Variants in ARHGAP31 observed in about 807,000 individuals in gnomAD.
The protein encoded by ARHGAP31 is rho GTPase-activating protein 31.
A neutral mutation model predicts 113.9 loss-of-function variants in ARHGAP31; 34 were observed. That is an observed-to-expected ratio of 0.30 (90% confidence interval 0.23 to 0.40). The LOEUF (loss-of-function observed/expected upper bound fraction) is 0.40. Among genes scored for constraint, ARHGAP31 ranks in the 10% least tolerant of loss-of-function variants. ARHGAP31 has a pLI of 1.00. For synonymous variants in ARHGAP31, 650 were observed against 684.8 expected, an observed-to-expected ratio of 0.95 and a Z score of 0.79; for missense variants, 1,548 against 1,767.1, an observed-to-expected ratio of 0.88 and a Z score of 2.22.
At chr3:119,324,864 A>G in intron 1 of ARHGAP31, 1 of 449,288 alleles carries the variant, frequency 2.2e-6, no homozygotes, top group Non-Finnish European at 4.5e-6. Flanking sequence ...AATTTTGAAT[A>G]AACCAAGGTC....
Position 119,393,550 on chromosome 3 carries a change from G to A in ARHGAP31, c.965G>A (p.Ser322Asn), listed in dbSNP as rs770995051. ...GGATCAGACTCCAAATCAAAACTGAGTAGAAATGGGAGTGTATTTGTGAGA... is the reference window on the plus strand; with the variant it reads ...GGATCAGACTCCAAATCAAAACTGAATAGAAATGGGAGTGTATTTGTGAGA... Reference protein sequence around the residue: ...RSGSDSKSKLSRNGSVFVRGQ... With the variant: ...RSGSDSKSKLNRNGSVFVRGQ... Residue 322 changes from serine (S) to asparagine (N), a missense_variant, in exon 8 of 12, where the codon AGT (serine) becomes AAT (asparagine). Physicochemically the swap from Ser to Asn is conservative, Grantham distance 46. Transcript: ENST00000264245. 1 of 1,614,138 alleles carries A rather than the reference G, an allele frequency of 6.2e-7. No individual in the cohort carries two copies. The highest frequency in any genetic ancestry group is 8.5e-7 in the Non-Finnish European group (1 of 1,179,988).
intron 7 of ARHGAP31, among the ~76,000 whole-genome samples, chr3:119,392,657 C>G (rs943792413): frequency 4.6e-5 from 7 of 152,206 alleles, no homozygotes; most frequent in African/African-American, 1.7e-4. Context: ...CAGCCTAGTG[C>G]TCCTCTTTCC....
rs73187834 is a variant in ARHGAP31 at position 119,301,541 on chromosome 3, G to A, written c.100+6537G>A. Among the ~76,000 whole-genome samples the A allele has an allele frequency of 4.0e-3, 612 of 152,330 alleles. 1 individual carries two copies. The highest frequency in any genetic ancestry group is 6.8e-3 in the Middle Eastern group (2 of 294). On this transcript the variant is annotated intron_variant, in intron 1 of 11. Coordinates refer to ENST00000264245, the MANE Select transcript of ARHGAP31 (RefSeq NM_020754.4). ...GTTAGGCATCTGTGGGCTAGCCTGGGAACCTTTTCTGTAGGGTGGAAGCAG... is the reference window on the plus strand; with the variant it reads ...GTTAGGCATCTGTGGGCTAGCCTGGAAACCTTTTCTGTAGGGTGGAAGCAG...
chr3:119,357,481 AT>A (rs985543154), intron 1 of ARHGAP31, among the ~76,000 whole-genome samples: 2 of 152,168 alleles, frequency 1.3e-5, no homozygotes, highest in Non-Finnish European at 1.5e-5. Flanking sequence ...GTGTGGCCAG[AT>A]TGTGGAAAAC....
At chr3:119,367,856 C>CAAAAA (rs1398233400) in intron 2 of ARHGAP31, among the ~76,000 whole-genome samples, 3 of 111,348 alleles carry the variant, frequency 2.7e-5, no homozygotes, top group African/African-American at 3.6e-5. Flanking sequence ...GACTCCATCT[C>CAAAAA]AAAAAAAAGA....
At chr3:119,347,787 G>A (rs181245654) in intron 1 of ARHGAP31, among the ~76,000 whole-genome samples, 5 of 152,284 alleles carry the variant, frequency 3.3e-5, no homozygotes, top group Non-Finnish European at 7.3e-5. Context: ...TCTTGAATCA[G>A]ATCTGACCAC....
At position 119,419,742 on chromosome 3, in the gene ARHGAP31, T is replaced by C. The variant is rs978398192; in HGVS notation, c.*3478T>C. ...CTCCAAATAATCAAATTGAACACAA[T>C]TGCAAATCCAATAGAACATCCCAGT... On this transcript the variant is annotated 3_prime_UTR_variant, in exon 12 of 12. Transcript: ENST00000264245. 2.6e-5 allele frequency: 4 copies of C among 152,194 alleles called. No homozygotes were observed. Among genetic ancestry groups the C allele is most frequent in the African/African-American group, 7.2e-5 (3 of 41,448 alleles). 9.4% of individuals were successfully genotyped at this position (152,194 alleles called of 1,614,324 possible). A position where few individuals can be genotyped will look rare whatever the true frequency, so the allele number is the denominator to read the frequency against.
intron 10 of ARHGAP31, among the ~76,000 whole-genome samples, chr3:119,406,221 G>A (rs1360079208): frequency 1.3e-5 from 2 of 152,100 alleles, no homozygotes; most frequent in Non-Finnish European, 1.5e-5. Flanking sequence ...TGGTTAGCAC[G>A]GGCCCTTCCT....
In ARHGAP31 at chr3:119,414,294, A is replaced by G. The variant is rs754970229; in HGVS notation, c.2365A>G (p.Thr789Ala). The G allele has an allele frequency of 3.7e-6, 6 of 1,613,742 alleles. No homozygotes were observed. Among genetic ancestry groups the G allele is most frequent in the Middle Eastern group, 1.7e-4 (1 of 6,060 alleles). ...PPLPPAPPPP[T>A]PLEESTPVLL... ...ACTCCCACCTGCTCCTCCCCCTCCA[A>G]CTCCTCTGGAGGAGTCAACTCCAGT... is the stretch of plus-strand genomic sequence containing the variant. The change falls in exon 12 of 12, where the codon ACT (threonine) becomes GCT (alanine). Residue 789 changes from threonine to alanine, a missense_variant. Coordinates refer to ENST00000264245, the MANE Select transcript of ARHGAP31 (RefSeq NM_020754.4).
chr3:119,373,399 A>G (rs1304444589), intron 3 of ARHGAP31, among the ~76,000 whole-genome samples: 1 of 152,016 alleles, frequency 6.6e-6, no homozygotes, highest in Non-Finnish European at 1.5e-5. Flanking sequence ...TTTTAATGTT[A>G]TCATTTCACA....
rs1201366876 is a variant in ARHGAP31 at position 119,402,237 on chromosome 3, G to T, written c.1485G>T (p.Pro495=). 2 of 1,614,246 alleles carry T rather than the reference G, an allele frequency of 1.2e-6. No individual in the cohort carries two copies. The highest frequency in any genetic ancestry group is 1.7e-5 in the Admixed American group (1 of 60,032). ...NISEPFAVSV[P]LRVSAVISTN... ...CCGAGCCCTTTGCGGTATCTGTGCC[G>T]CTCCGCGTGTCCGCAGTCATCAGCA... The change falls in exon 10 of 12, where the codon CCG becomes CCT. Residue 495 remains proline (P), a synonymous_variant. Transcript: ENST00000264245.
chr3:119,304,418 C>T (rs1303503879), intron 1 of ARHGAP31, among the ~76,000 whole-genome samples: 1 of 152,080 alleles, frequency 6.6e-6, no homozygotes, highest in Non-Finnish European at 1.5e-5. Context: ...CGAGTTATGA[C>T]AGCTATGGGA....
chr3:119,373,004 G>C (rs2080315012), intron 3 of ARHGAP31, among the ~76,000 whole-genome samples: 1 of 152,130 alleles, frequency 6.6e-6, no homozygotes, highest in Non-Finnish European at 1.5e-5. Flanking sequence ...GCTATCTATT[G>C]CAAAATGAGG....
rs530130370 is a variant in ARHGAP31, at chr3:119,348,066, C to T, written c.101-17250C>T. ...GGGCTACACAGCAGGAGGTGACTGGCGGGCGAGCCAGCAAAGCTGAGCTCC... is the reference window on the plus strand; with the variant it reads ...GGGCTACACAGCAGGAGGTGACTGGTGGGCGAGCCAGCAAAGCTGAGCTCC... On this transcript the variant is annotated intron_variant, in intron 1 of 11. Transcript: ENST00000264245. Among the ~76,000 whole-genome samples the T allele has an allele frequency of 2.8e-4, 43 of 152,218 alleles. No homozygotes were observed. In the South Asian group the frequency reaches 6.4e-3, roughly 23 times the overall value.
chr3:119,385,386 T>C (rs750391089), intron 6 of ARHGAP31, among the ~76,000 whole-genome samples: 4 of 152,222 alleles, frequency 2.6e-5, no homozygotes, highest in Non-Finnish European at 2.9e-5. Flanking sequence ...TTTTTGTGAT[T>C]ATGTATAATG....
chr3:119,373,882 T>C (rs537715232), intron 3 of ARHGAP31, among the ~76,000 whole-genome samples: 1 of 152,380 alleles, frequency 6.6e-6, no homozygotes, highest in East Asian at 1.9e-4. Context: ...CCAGTAACTC[T>C]ATTTCTAGGA....
chr3:119,384,807 C>T (rs2107632901), intron 6 of ARHGAP31, among the ~76,000 whole-genome samples: 1 of 152,296 alleles, frequency 6.6e-6, no homozygotes, highest in South Asian at 2.1e-4. Context: ...ATTAAGCAAT[C>T]ACTCCACATT....
At chr3:119,360,446 C>CA (rs2080195523) in intron 1 of ARHGAP31, among the ~76,000 whole-genome samples, 1 of 152,186 alleles carries the variant, frequency 6.6e-6, no homozygotes, top group Non-Finnish European at 1.5e-5. Flanking sequence ...TGACCAAATA[C>CA]AACTGTGCTT....
At chr3:119,328,402 C>T (rs985355586) in intron 1 of ARHGAP31, among the ~76,000 whole-genome samples, 1 of 152,144 alleles carries the variant, frequency 6.6e-6, no homozygotes, top group African/African-American at 2.4e-5. Flanking sequence ...AAACTCCTAC[C>T]TCACAAAGCA....
Sources: gnomAD v4.1 joint callset for allele counts (sites outside exome capture counted in the v4.1 genomes callset) on GRCh38, gnomAD v4.1.1 for gene constraint, MANE v1.5 for transcripts, NCBI Gene and HGNC (gene_info 2026-07-23, HGNC 2026-07-21) for gene names.